Variants in EPHA6 observed in about 807,000 individuals in gnomAD.
EPHA6 encodes the protein EPH receptor A6.
In EPHA6, 50 loss-of-function variants were observed where a neutral mutation model predicts 112.0. That is an observed-to-expected ratio of 0.45 (90% CI 0.36 to 0.56). EPHA6 has a LOEUF of 0.56. Among genes scored for constraint, EPHA6 ranks in the 20% least tolerant of loss-of-function variants. The pLI is 0.00. For synonymous variants in EPHA6, 529 were observed against 490.7 expected, an observed-to-expected ratio of 1.08 and a Z score of -1.03; for missense variants, 1,280 against 1,417.4, an observed-to-expected ratio of 0.90 and a Z score of 1.56.
At chr3:96,845,970 T>G (rs2035051163) in intron 1 of EPHA6, among the ~76,000 whole-genome samples, 1 of 151,988 alleles carries the variant, frequency 6.6e-6, no homozygotes, top group Non-Finnish European at 1.5e-5. Context: ...TAGAATAGAA[T>G]TATAGAAAGT....
At chr3:97,474,522 C>A (rs2107457860) in intron 7 of EPHA6, among the ~76,000 whole-genome samples, 1 of 151,948 alleles carries the variant, frequency 6.6e-6, no homozygotes, top group African/African-American at 2.4e-5. Flanking sequence ...TTTAATTTTT[C>A]TGTGCTTCTG....
At chr3:97,174,745 A>G (rs986080505) in intron 3 of EPHA6, among the ~76,000 whole-genome samples, 58 of 151,708 alleles carry the variant, frequency 3.8e-4, no homozygotes, top group African/African-American at 1.4e-3. Context: ...TCAGATTATT[A>G]TAGTTTTTTT....
intron 10 of EPHA6, among the ~76,000 whole-genome samples, chr3:97,501,879 A>C (rs1394440783): frequency 6.6e-6 from 1 of 152,060 alleles, no homozygotes; most frequent in Admixed American, 6.6e-5. Flanking sequence ...AGGCTTATGC[A>C]AACCCACCCC....
intron 5 of EPHA6, among the ~76,000 whole-genome samples, chr3:97,323,984 TA>T (rs201688987): frequency 1.5e-4 from 22 of 149,394 alleles, no homozygotes; most frequent in East Asian, 3.9e-4. Flanking sequence ...TTTTTCTCTT[TA>T]AAAAAAAAAT....
At chr3:97,381,238 A>C (rs1488495190) in intron 5 of EPHA6, among the ~76,000 whole-genome samples, 4 of 152,132 alleles carry the variant, frequency 2.6e-5, no homozygotes, top group African/African-American at 7.2e-5. Context: ...TATTATATAA[A>C]ATTTCTGAAA....
intron 2 of EPHA6, among the ~76,000 whole-genome samples, chr3:96,916,081 T>G (rs2039469896): frequency 6.6e-6 from 1 of 152,106 alleles, no homozygotes; most frequent in African/African-American, 2.4e-5. Context: ...CTAAAAAGAT[T>G]ATGAAGTATT....
chr3:97,536,482 A>C (rs886812410), intron 11 of EPHA6, among the ~76,000 whole-genome samples: 1 of 152,180 alleles, frequency 6.6e-6, no homozygotes, highest in Non-Finnish European at 1.5e-5. Context: ...TAGCAAACAA[A>C]TTCCCAAACA....
At chr3:97,567,882 G>T (rs949881297) in intron 11 of EPHA6, among the ~76,000 whole-genome samples, 5 of 152,150 alleles carry the variant, frequency 3.3e-5, no homozygotes, top group Non-Finnish European at 7.4e-5. Context: ...CAAGGAGAAG[G>T]TTTAGGCCAG....
intron 11 of EPHA6, among the ~76,000 whole-genome samples, chr3:97,546,043 T>G (rs1481563340): frequency 6.6e-6 from 1 of 152,254 alleles, no homozygotes; most frequent in African/African-American, 2.4e-5. Context: ...TGCTTTTAAT[T>G]GGAGCATTTA....
At chr3:96,897,946 G>A (rs1371985951) in intron 2 of EPHA6, among the ~76,000 whole-genome samples, 1 of 152,134 alleles carries the variant, frequency 6.6e-6, no homozygotes, top group African/African-American at 2.4e-5. Flanking sequence ...CTGCTATTTA[G>A]TGCCAGAGAG....
chr3:97,438,670 G>T (rs1367477131), intron 6 of EPHA6, among the ~76,000 whole-genome samples: 1 of 152,146 alleles, frequency 6.6e-6, no homozygotes, highest in African/African-American at 2.4e-5. Context: ...TTTAAGACTT[G>T]TCACAGCATC....
intron 13 of EPHA6, among the ~76,000 whole-genome samples, chr3:97,636,355 G>A (rs2107552145): frequency 6.6e-6 from 1 of 152,178 alleles, no homozygotes; most frequent in East Asian, 1.9e-4. Flanking sequence ...TGATAGAAGA[G>A]GCAGATTTCA....
chr3:97,249,719 A>C (rs2079079872), intron 5 of EPHA6, among the ~76,000 whole-genome samples: 1 of 152,176 alleles, frequency 6.6e-6, no homozygotes, highest in Admixed American at 6.5e-5. Context: ...TGTGTTATTG[A>C]CTAAGAATAT....
chr3:97,367,544 C>T (rs2084806340), intron 5 of EPHA6, among the ~76,000 whole-genome samples: 1 of 152,028 alleles, frequency 6.6e-6, no homozygotes, highest in Non-Finnish European at 1.5e-5. Context: ...AAGATGGTAA[C>T]AGTTGTGTTG....
At chr3:97,230,681 T>G (rs2078497355) in intron 4 of EPHA6, among the ~76,000 whole-genome samples, 1 of 152,168 alleles carries the variant, frequency 6.6e-6, no homozygotes. Context: ...TTTACTAACA[T>G]GTACCTCGTG....
chr3:97,423,411 A>G (rs941387952), intron 6 of EPHA6, among the ~76,000 whole-genome samples: 2 of 152,196 alleles, frequency 1.3e-5, no homozygotes, highest in African/African-American at 4.8e-5. Context: ...AAATGCCACT[A>G]AAAGAATAAA....
chr3:97,074,086 C>T (rs2046440909), intron 3 of EPHA6, among the ~76,000 whole-genome samples: 1 of 151,632 alleles, frequency 6.6e-6, no homozygotes, highest in Non-Finnish European at 1.5e-5. Flanking sequence ...AAAGTTGGAT[C>T]CCCTTTCATA....
chr3:96,897,808 A>G (rs1575964156), intron 2 of EPHA6, among the ~76,000 whole-genome samples: 1 of 152,196 alleles, frequency 6.6e-6, no homozygotes, highest in Admixed American at 6.6e-5. Flanking sequence ...GACAATGTGA[A>G]TGATGTAACA....
chr3:97,370,334 T>C (rs2084975157), intron 5 of EPHA6, among the ~76,000 whole-genome samples: 3 of 152,282 alleles, frequency 2.0e-5, no homozygotes, highest in South Asian at 4.2e-4. Context: ...TGTAGAAATA[T>C]AAATATAAAT....
Sources: allele counts gnomAD v4.1 joint callset (sites outside exome capture counted in the v4.1 genomes callset), GRCh38; gene constraint gnomAD v4.1.1; transcripts MANE v1.5; gene names NCBI Gene and HGNC (gene_info 2026-07-23, HGNC 2026-07-21).